Variants in CNNM1 observed in about 807,000 individuals in gnomAD.
CNNM1 encodes the protein metal transporter CNNM1.
Under a neutral mutation model 78.8 loss-of-function variants are expected in CNNM1, and 44 were observed. The ratio of observed to expected loss-of-function variants is 0.56; its 90% CI spans 0.44 to 0.72. CNNM1 has a LOEUF of 0.72. CNNM1 is among the 30% of genes least tolerant of loss of function. The probability of loss-of-function intolerance (pLI) is 0.00; values close to 1 mark genes in which losing one functional copy is unlikely to be tolerated. For missense variants in CNNM1, 1,101 were observed against 1,292.2 expected, an observed-to-expected ratio of 0.85 and a Z score of 2.27; for synonymous variants, 584 against 581.5, an observed-to-expected ratio of 1.00 and a Z score of -0.06.
At chr10:99,347,961 C>T (rs527443169) in intron 1 of CNNM1, among the ~76,000 whole-genome samples, 4 of 152,074 alleles carry the variant, frequency 2.6e-5, no homozygotes, top group African/African-American at 9.6e-5. Context: ...TCCCTCATCA[C>T]TATTCCCTGC....
At chr10:99,372,497 T>C (rs1336150337) in intron 6 of CNNM1, among the ~76,000 whole-genome samples, 5 of 152,214 alleles carry the variant, frequency 3.3e-5, no homozygotes, top group Admixed American at 2.0e-4. Context: ...TCATACTGTT[T>C]GATCTGTCTC....
chr10:99,348,467 A>G (rs2030803000), intron 1 of CNNM1, among the ~76,000 whole-genome samples: 1 of 152,246 alleles, frequency 6.6e-6, no homozygotes. Flanking sequence ...TCAAGTGCCT[A>G]GAAGAGTGCT....
At chr10:99,362,138 G>A (rs2031453801) in intron 3 of CNNM1, 89 bp from the exon 4 acceptor site, 5 of 1,262,082 alleles carry the variant, frequency 4.0e-6, no homozygotes, top group Non-Finnish European at 5.4e-6. Context: ...TCCCAGTTGT[G>A]CCCACTCTGA....
intron 7 of CNNM1, among the ~76,000 whole-genome samples, chr10:99,377,877 G>C (rs1216335589): frequency 1.3e-5 from 2 of 151,720 alleles, no homozygotes; most frequent in African/African-American, 2.4e-5. Flanking sequence ...GAGGAGGGGA[G>C]CTATTTCCTC....
intron 7 of CNNM1, among the ~76,000 whole-genome samples, chr10:99,379,546 C>CAG (rs981466780): frequency 2.5e-4 from 38 of 151,988 alleles, no homozygotes; most frequent in African/African-American, 9.2e-4. Flanking sequence ...TGTGCAAAGG[C>CAG]AGAGGCTCCA....
At chr10:99,378,213 C>T (rs996142285) in intron 7 of CNNM1, among the ~76,000 whole-genome samples, 8 of 152,186 alleles carry the variant, frequency 5.3e-5, no homozygotes, top group African/African-American at 9.7e-5. Flanking sequence ...CCACCTGCCT[C>T]GGCCTCCCAA....
At chr10:99,376,154 G>C (rs2031954778) in intron 6 of CNNM1, among the ~76,000 whole-genome samples, 1 of 152,150 alleles carries the variant, frequency 6.6e-6, no homozygotes, top group Non-Finnish European at 1.5e-5. Flanking sequence ...ATCTATATGG[G>C]GCAAAGAGTT....
intron 1 of CNNM1, among the ~76,000 whole-genome samples, chr10:99,340,546 G>A (rs1212409189): frequency 2.0e-5 from 3 of 152,166 alleles, no homozygotes; most frequent in Admixed American, 6.5e-5. Flanking sequence ...CTCCAAGGAA[G>A]GTCTGTGGGT....
At chr10:99,351,360 C>T (rs571420422) in intron 1 of CNNM1, among the ~76,000 whole-genome samples, 1 of 152,256 alleles carries the variant, frequency 6.6e-6, no homozygotes, top group Middle Eastern at 3.4e-3. Flanking sequence ...CCCACTTTAC[C>T]ACATATGCCA....
chr10:99,356,427 G>A (rs1313274444), intron 1 of CNNM1, among the ~76,000 whole-genome samples: 23 of 151,326 alleles, frequency 1.5e-4, no homozygotes, highest in Admixed American at 1.5e-3. Flanking sequence ...AGTGAGCTGA[G>A]ATCACACCAT....
At chr10:99,343,667 G>T (rs1042684549) in intron 1 of CNNM1, among the ~76,000 whole-genome samples, 1 of 152,076 alleles carries the variant, frequency 6.6e-6, no homozygotes, top group Non-Finnish European at 1.5e-5. Context: ...TACGACTGGG[G>T]CAGGTCACTA....
intron 6 of CNNM1, among the ~76,000 whole-genome samples, chr10:99,367,459 G>C (rs1321782873): frequency 1.3e-5 from 2 of 152,068 alleles, no homozygotes; most frequent in African/African-American, 4.8e-5. Flanking sequence ...AGGAACCCAG[G>C]GTAGCTGGAA....
At chr10:99,385,754 C>T (rs1490311546) in intron 7 of CNNM1, among the ~76,000 whole-genome samples, 1 of 152,178 alleles carries the variant, frequency 6.6e-6, no homozygotes, top group African/African-American at 2.4e-5. Flanking sequence ...TGTATTTGGC[C>T]AAGGTCTCCC....
intron 1 of CNNM1, among the ~76,000 whole-genome samples, chr10:99,343,214 C>T (rs770890309): frequency 2.0e-5 from 3 of 152,000 alleles, no homozygotes; most frequent in African/African-American, 4.8e-5. Flanking sequence ...CTGCTCACCT[C>T]GGCCTCCCAA....
intron 1 of CNNM1, among the ~76,000 whole-genome samples, chr10:99,333,710 A>C (rs2030036280): frequency 6.6e-6 from 1 of 152,208 alleles, no homozygotes; most frequent in Non-Finnish European, 1.5e-5. Context: ...GACTGTCCTC[A>C]GGAGGTTAGC....
At chr10:99,376,353 A>G (rs1467087854) in intron 6 of CNNM1, among the ~76,000 whole-genome samples, 2 of 152,232 alleles carry the variant, frequency 1.3e-5, no homozygotes. Flanking sequence ...ACATTTGTCA[A>G]GGAAGAGGAT....
In CNNM1 at chr10:99,392,679, G is replaced by A. The variant is rs2032507105; in HGVS notation, c.*1163G>A. On this transcript the variant is annotated 3_prime_UTR_variant, in exon 11 of 11. Transcript: ENST00000356713. ...AGTGACCGCGCATACCTGCTTCCAA[G>A]AATAAAACAGTTCTGAAAAGCAACC... 1 of 152,134 alleles carries A rather than the reference G, an allele frequency of 6.6e-6. No individual in the cohort carries two copies. Among genetic ancestry groups the A allele is most frequent in the Admixed American group, 6.6e-5 (1 of 15,266 alleles). 9.4% of individuals were successfully genotyped at this position (152,134 alleles called of 1,614,324 possible).
chr10:99,386,589 G>A (rs1220697105), intron 7 of CNNM1, among the ~76,000 whole-genome samples: 1 of 152,190 alleles, frequency 6.6e-6, no homozygotes, highest in African/African-American at 2.4e-5. Flanking sequence ...TGATTCGATT[G>A]GTTGTGCTTA....
At chr10:99,333,815 A>G (rs1415837587) in intron 1 of CNNM1, among the ~76,000 whole-genome samples, 1 of 152,220 alleles carries the variant, frequency 6.6e-6, no homozygotes, top group Non-Finnish European at 1.5e-5. Flanking sequence ...GTAAATAGTA[A>G]GCTGTTCCAA....
Sources: allele counts gnomAD v4.1 joint callset (sites outside exome capture counted in the v4.1 genomes callset), GRCh38; gene constraint gnomAD v4.1.1; transcripts MANE v1.5; gene names NCBI Gene and HGNC (gene_info 2026-07-23, HGNC 2026-07-21).